The following KLRG1 variants were observed in gnomAD, a reference collection of about 807,000 sequenced individuals.
KLRG1 encodes killer cell lectin like receptor G1, also known as killer cell lectin-like receptor subfamily G member 1.
In KLRG1, 16 loss-of-function variants were observed where a neutral mutation model predicts 21.8. That is an observed-to-expected ratio of 0.73 (90% CI 0.50 to 1.11). The LOEUF is 1.11. Among genes scored for constraint, KLRG1 ranks in the 50% most tolerant of loss-of-function variants. The pLI, the probability that KLRG1 is intolerant of heterozygous loss-of-function variation, is 0.00. For missense variants in KLRG1, 173 were observed against 218.3 expected (o/e 0.79, Z 1.31); for synonymous variants, 69 against 75.9 (o/e 0.91, Z 0.47).
chr12:9,038,412 A>G, the KLRG1 span, among the ~76,000 whole-genome samples: 4 of 152,318 alleles, frequency 2.6e-5, no homozygotes, highest in East Asian at 3.9e-4. Flanking sequence ...TCCACTCTTA[A>G]GACCTTTCAA....
the KLRG1 span, among the ~76,000 whole-genome samples, chr12:9,213,057 C>G: frequency 6.6e-6 from 1 of 152,262 alleles, no homozygotes; most frequent in South Asian, 2.1e-4. Flanking sequence ...TTAATAGAAT[C>G]ATAATATATG....
the KLRG1 span, chr12:9,101,482 G>A: frequency 6.2e-7 from 1 of 1,613,866 alleles, no homozygotes; most frequent in East Asian, 2.2e-5. Context: ...AGCCCCAGCA[G>A]GGTGCCTCCA....
chr12:9,035,465 G>T, the KLRG1 span, among the ~76,000 whole-genome samples: 1 of 151,904 alleles, frequency 6.6e-6, no homozygotes, highest in East Asian at 1.9e-4. Context: ...GGAGCTAGGG[G>T]GAGGGATAGC....
the KLRG1 span, chr12:9,095,549 C>T: frequency 3.1e-6 from 5 of 1,610,700 alleles, no homozygotes; most frequent in Admixed American, 6.7e-5. Flanking sequence ...CTCTAGGAAG[C>T]TGTACATATC....
the KLRG1 span, among the ~76,000 whole-genome samples, chr12:9,184,147 G>A: frequency 6.6e-6 from 1 of 152,172 alleles, no homozygotes; most frequent in Non-Finnish European, 1.5e-5. Flanking sequence ...GTGTGTGTGT[G>A]CACCCTGCCT....
intron 1 of KLRG1, among the ~76,000 whole-genome samples, chr12:8,961,398 G>A (rs1441941721): frequency 6.6e-6 from 1 of 151,936 alleles, no homozygotes; most frequent in African/African-American, 2.4e-5. Context: ...AAAAGAGATG[G>A]CAATTTTTAT....
At chr12:8,968,025 A>G (rs76349934) in intron 1 of KLRG1, among the ~76,000 whole-genome samples, 2,447 of 152,212 alleles carry the variant, frequency 0.016, 74 homozygotes, top group African/African-American at 0.056. Context: ...GGAAAGATAA[A>G]TAATAAGCAA....
chr12:8,971,468 C>G (rs1946565827), intron 1 of KLRG1, among the ~76,000 whole-genome samples: 1 of 151,786 alleles, frequency 6.6e-6, no homozygotes, highest in African/African-American at 2.4e-5. Flanking sequence ...TGTTTTTTCT[C>G]TTTGTTATTT....
the KLRG1 span, among the ~76,000 whole-genome samples, chr12:9,130,029 G>A: frequency 1.3e-5 from 2 of 152,044 alleles, no homozygotes; most frequent in African/African-American, 4.8e-5. Flanking sequence ...CTGTTTTTAT[G>A]AATTGGCTTG....
At chr12:9,095,773 G>A in the KLRG1 span, 1 of 941,874 alleles carries the variant, frequency 1.1e-6, no homozygotes, top group Non-Finnish European at 1.4e-6. Flanking sequence ...TTTTTTTTGA[G>A]ACGGAGTCTC....
At chr12:9,141,380 A>G in the KLRG1 span, among the ~76,000 whole-genome samples, 1 of 152,314 alleles carries the variant, frequency 6.6e-6, no homozygotes, top group African/African-American at 2.4e-5. Context: ...AACCTTGTAG[A>G]TACATTTACC....
intron 1 of KLRG1, among the ~76,000 whole-genome samples, chr12:8,982,619 A>C (rs1946772354): frequency 6.7e-6 from 1 of 150,112 alleles, no homozygotes; most frequent in Non-Finnish European, 1.5e-5. Context: ...TAAAGTGCAT[A>C]TCTTACAGCC....
the KLRG1 span, chr12:9,091,143 G>C: frequency 6.4e-7 from 1 of 1,560,086 alleles, no homozygotes; most frequent in Non-Finnish European, 8.8e-7. Flanking sequence ...TCCTAGGAAT[G>C]CAACTTTTAA....
At chr12:9,042,658 A>T in the KLRG1 span, among the ~76,000 whole-genome samples, 3 of 152,190 alleles carry the variant, frequency 2.0e-5, no homozygotes, top group African/African-American at 7.2e-5. Flanking sequence ...ATGGTTATAG[A>T]TTGATAGAAA....
the KLRG1 span, among the ~76,000 whole-genome samples, chr12:9,031,794 G>C: frequency 3.8e-3 from 575 of 152,318 alleles, 2 homozygotes; most frequent in African/African-American, 0.013. Flanking sequence ...AGGGCTTCCA[G>C]GCTAAAGGTA....
At chr12:9,128,208 G>A in the KLRG1 span, 1 of 197,580 alleles carries the variant, frequency 5.1e-6, no homozygotes, top group Admixed American at 4.8e-5. Context: ...TCTGCTCCAG[G>A]CATTGGTCTT....
At chr12:9,192,421 G>T in the KLRG1 span, 1 of 1,329,138 alleles carries the variant, frequency 7.5e-7, no homozygotes, top group Non-Finnish European at 1.1e-6. Flanking sequence ...AGGTGGCTGT[G>T]TGCAAGTAGT....
At chr12:9,201,518 G>A in the KLRG1 span, among the ~76,000 whole-genome samples, 7 of 152,214 alleles carry the variant, frequency 4.6e-5, no homozygotes, top group East Asian at 1.2e-3. Flanking sequence ...GTTCTAGGAT[G>A]AGCATACACA....
chr12:9,019,632 T>C, the KLRG1 span, among the ~76,000 whole-genome samples: 1 of 152,186 alleles, frequency 6.6e-6, no homozygotes, highest in Non-Finnish European at 1.5e-5. Flanking sequence ...GCCAGGATGA[T>C]AGGATGAATA....
Sources: allele counts gnomAD v4.1 joint callset (sites outside exome capture counted in the v4.1 genomes callset), GRCh38; gene constraint gnomAD v4.1.1; transcripts MANE v1.5; gene names NCBI Gene and HGNC (gene_info 2026-07-23, HGNC 2026-07-21).